CERS6: variants seen among roughly 807,000 people sequenced by gnomAD.
CERS6 encodes ceramide synthase 6.
A neutral mutation model predicts 56.8 loss-of-function variants in CERS6; 26 were observed. The observed-to-expected ratio is 0.46, with a 90% confidence interval of 0.34 to 0.63. CERS6 has a LOEUF of 0.63. CERS6 is among the 30% of genes least tolerant of loss of function. The pLI is 0.01. For synonymous variants in CERS6, 164 were observed against 173.3 expected, an observed-to-expected ratio of 0.95 and a Z score of 0.42; for missense variants, 415 against 467.5, an observed-to-expected ratio of 0.89 and a Z score of 1.04.
chr2:168,690,529 G>A (rs1686471933), intron 4 of CERS6, among the ~76,000 whole-genome samples: 1 of 152,118 alleles, frequency 6.6e-6, no homozygotes, highest in Non-Finnish European at 1.5e-5. Flanking sequence ...GTGCTGTGAG[G>A]GTTAGTCTTA....
At chr2:168,573,698 T>C (rs570123233) in intron 3 of CERS6, among the ~76,000 whole-genome samples, 1 of 152,150 alleles carries the variant, frequency 6.6e-6, no homozygotes, top group East Asian at 1.9e-4. Flanking sequence ...CCAGCTTTCA[T>C]GCAGATCTGT....
intron 4 of CERS6, among the ~76,000 whole-genome samples, chr2:168,654,570 C>A (rs988406396): frequency 2.0e-4 from 31 of 151,936 alleles, no homozygotes; most frequent in African/African-American, 7.3e-4. Context: ...ACAAAAAACC[C>A]AAAAATGTAT....
At chr2:168,745,444 T>C (rs1405922663) in intron 8 of CERS6, among the ~76,000 whole-genome samples, 1 of 152,128 alleles carries the variant, frequency 6.6e-6, no homozygotes. Context: ...GGTTTCACCG[T>C]GTTAGCCAGG....
At chr2:168,496,593 C>T (rs553671760) in intron 1 of CERS6, among the ~76,000 whole-genome samples, 1 of 152,140 alleles carries the variant, frequency 6.6e-6, no homozygotes, top group Non-Finnish European at 1.5e-5. Flanking sequence ...GAGCACAACA[C>T]TTTCTTACCT....
chr2:168,468,917 A>G (rs1430405501), intron 1 of CERS6, among the ~76,000 whole-genome samples: 1 of 152,154 alleles, frequency 6.6e-6, no homozygotes, highest in Non-Finnish European at 1.5e-5. Flanking sequence ...GAGGGTGTAC[A>G]TTAATATTTA....
intron 1 of CERS6, among the ~76,000 whole-genome samples, chr2:168,538,261 TC>T: frequency 7.1e-6 from 1 of 140,056 alleles, no homozygotes; most frequent in South Asian, 2.2e-4. Context: ...AAAAAAAAAG[TC>T]CCTAAAATGG....
intron 3 of CERS6, chr2:168,583,144 C>T (rs1683458337): frequency 6.6e-6 from 1 of 152,286 alleles, no homozygotes; most frequent in Non-Finnish European, 1.5e-5. Flanking sequence ...AGCAGAAAAT[C>T]GCTCTTATAG....
intron 1 of CERS6, among the ~76,000 whole-genome samples, chr2:168,499,176 A>G (rs1481195790): frequency 6.6e-6 from 1 of 152,206 alleles, no homozygotes; most frequent in Admixed American, 6.5e-5. Context: ...CTTAGAGCCA[A>G]AAGACCTACA....
At chr2:168,548,216 G>C (rs751080138) in intron 2 of CERS6, among the ~76,000 whole-genome samples, 1 of 152,202 alleles carries the variant, frequency 6.6e-6, no homozygotes, top group Non-Finnish European at 1.5e-5. Context: ...AGGAGGGTCA[G>C]GAGAGTCTTA....
intron 4 of CERS6, among the ~76,000 whole-genome samples, chr2:168,656,492 C>T (rs1239987033): frequency 1.3e-5 from 2 of 151,072 alleles, no homozygotes; most frequent in South Asian, 2.1e-4. Flanking sequence ...CTGGTGGGTT[C>T]GTGGTCTCGC....
Position 168,533,721 on chromosome 2 carries a change from G to A in CERS6, c.171-13875G>A, listed in dbSNP as rs555613608. On this transcript the variant is annotated intron_variant, in intron 1 of 9. Transcript: ENST00000305747. The stretch of plus-strand genomic sequence containing the variant: ...GTTGATCTTCTCGTGGAGTATCTTA[G>A]TGGTGTTCTCTGTATTTCCTGAATT... Among the ~76,000 whole-genome samples the A allele has an allele frequency of 1.3e-4, 20 of 152,214 alleles. No homozygotes were observed. In the East Asian group the frequency reaches 2.9e-3, roughly 22 times the overall value.
At chr2:168,611,309 CTG>C (rs1684182792) in intron 3 of CERS6, among the ~76,000 whole-genome samples, 2 of 152,170 alleles carry the variant, frequency 1.3e-5, no homozygotes, top group African/African-American at 4.8e-5. Flanking sequence ...AGCATAGAAA[CTG>C]TGTGCCAATA....
intron 2 of CERS6, among the ~76,000 whole-genome samples, chr2:168,554,582 C>T (rs1049265802): frequency 6.6e-6 from 1 of 152,122 alleles, no homozygotes; most frequent in Non-Finnish European, 1.5e-5. Flanking sequence ...AGATTTTTAC[C>T]TCACATCCTT....
intron 3 of CERS6, among the ~76,000 whole-genome samples, chr2:168,589,439 T>C (rs1683622295): frequency 6.6e-6 from 1 of 152,242 alleles, no homozygotes; most frequent in African/African-American, 2.4e-5. Context: ...TTCTGGGATC[T>C]GAGCTCCTAC....
intron 8 of CERS6, among the ~76,000 whole-genome samples, chr2:168,725,423 G>T (rs1346890314): frequency 1.3e-5 from 2 of 152,252 alleles, no homozygotes; most frequent in Non-Finnish European, 2.9e-5. Context: ...CCGAGAGCGA[G>T]CGAGGGCTGT....
At chr2:168,625,067 C>CAT (rs1684560531) in intron 3 of CERS6, among the ~76,000 whole-genome samples, 2 of 152,024 alleles carry the variant, frequency 1.3e-5, no homozygotes, top group Admixed American at 1.3e-4. Context: ...ATTTTAATGT[C>CAT]ATAGGTATAA....
chr2:168,461,459 C>CAAA lies in CERS6; in HGVS notation c.170+4861_170+4863dup, dbSNP rs397869323. Among the ~76,000 whole-genome samples, 292 of 78,822 alleles carry CAAA rather than the reference C, an allele frequency of 3.7e-3. 4 individuals are homozygous for CAAA. Among genetic ancestry groups the CAAA allele is most frequent in the Non-Finnish European group, 5.5e-3 (221 of 40,216 alleles). The allele number at this position is 78,822 out of a possible 152,430, so 51.7% of individuals were successfully genotyped here. Reference sequence around the variant, plus strand: ...TGGGCAACAGAGTGAGACCCTGTCTCAAAAAAAAAAAAAAAAAAAAAAGTG... The same window carrying CAAA: ...TGGGCAACAGAGTGAGACCCTGTCTCAAAAAAAAAAAAAAAAAAAAAAAAAGTG... On this transcript the variant is annotated intron_variant, in intron 1 of 9. Transcript: ENST00000305747.
chr2:168,764,872 C>G (rs1211640912), intron 8 of CERS6, among the ~76,000 whole-genome samples: 1 of 152,188 alleles, frequency 6.6e-6, no homozygotes, highest in African/African-American at 2.4e-5. Context: ...AATTCCACTT[C>G]TGGGTATATG....
intron 3 of CERS6, among the ~76,000 whole-genome samples, chr2:168,582,431 G>A (rs1319085553): frequency 6.6e-6 from 1 of 152,096 alleles, no homozygotes; most frequent in Non-Finnish European, 1.5e-5. Flanking sequence ...CACCTCTGAT[G>A]CTTTTAAGGA....
Sources: allele counts gnomAD v4.1 joint callset (sites outside exome capture counted in the v4.1 genomes callset), GRCh38; gene constraint gnomAD v4.1.1; transcripts MANE v1.5; gene names NCBI Gene and HGNC (gene_info 2026-07-23, HGNC 2026-07-21).